Variants in ANKRD45 observed in about 807,000 individuals in gnomAD.
The protein encoded by ANKRD45 is ankyrin repeat domain-containing protein 45.
ANKRD45 carries 21 observed loss-of-function variants against 28.1 expected under a neutral mutation model. The observed-to-expected ratio is 0.75, with a 90% CI of 0.53 to 1.08. The LOEUF (loss-of-function observed/expected upper bound fraction) is 1.08. ANKRD45 is among the 50% of genes least tolerant of loss of function. The pLI is 0.00. For synonymous variants in ANKRD45, 86 were observed against 103.9 expected (o/e 0.83, Z 1.05); for missense variants, 261 against 308.7 (o/e 0.85, Z 1.16).
chr1:173,703,572 A>C, the ANKRD45 span, among the ~76,000 whole-genome samples: 45 of 152,214 alleles, frequency 3.0e-4, no homozygotes, highest in East Asian at 6.7e-3. Flanking sequence ...CCTGTCCCCA[A>C]ATATTTCACC....
upstream of ANKRD45, chr1:173,669,943 A>C (rs1415691594): frequency 1.2e-5 from 2 of 169,382 alleles, no homozygotes; most frequent in African/African-American, 4.8e-5. Flanking sequence ...GCAGGAAGCC[A>C]GAGTGGAAAA....
intron 3 of ANKRD45, among the ~76,000 whole-genome samples, chr1:173,642,645 G>T (rs1668750793): frequency 6.6e-6 from 1 of 152,316 alleles, no homozygotes; most frequent in Admixed American, 6.5e-5. Flanking sequence ...ATATTTGCCT[G>T]GGCATGCCTG....
At chr1:173,612,803 G>C (rs1667230388) in intron 5 of ANKRD45, 2 of 157,324 alleles carry the variant, frequency 1.3e-5, no homozygotes. Flanking sequence ...GTGTTGGCCG[G>C]GCTGGTCTCC....
intron 5 of ANKRD45, among the ~76,000 whole-genome samples, chr1:173,613,195 TC>T (rs1667259106): frequency 1.3e-5 from 2 of 149,188 alleles, no homozygotes; most frequent in Non-Finnish European, 3.0e-5. Flanking sequence ...GAGCACCTCT[TC>T]CCCGCCACCC....
At chr1:173,694,750 T>C in the ANKRD45 span, among the ~76,000 whole-genome samples, 1 of 152,110 alleles carries the variant, frequency 6.6e-6, no homozygotes, top group African/African-American at 2.4e-5. Context: ...ATGTCCATTA[T>C]ACCATTTTGT....
rs1667073547 is a variant in ANKRD45, at chr1:173,610,037, A to G, written c.*108T>C. On this transcript the variant is annotated 3_prime_UTR_variant, in exon 6 of 6. Coordinates refer to ENST00000333279, the MANE Select transcript of ANKRD45 (RefSeq NM_198493.3). The stretch of plus-strand genomic sequence containing the variant: ...CAAAACAAGGGCGATGTAATGTTGT[A>G]CTTAAATACTTAAAGAAACCCACAT... The G allele has an allele frequency of 8.9e-7, 1 of 1,117,340 alleles. No individual in the cohort carries two copies. Among genetic ancestry groups the G allele is most frequent in the Admixed American group, 1.9e-5 (1 of 52,098 alleles). 69.2% of individuals were successfully genotyped at this position (1,117,340 alleles called of 1,614,324 possible).
chr1:173,683,781 TAA>T, the ANKRD45 span, among the ~76,000 whole-genome samples: 8 of 152,202 alleles, frequency 5.3e-5, no homozygotes, highest in African/African-American at 1.7e-4. Context: ...GTGTTATATA[TAA>T]AGTTTCAGTG....
intron 1 of ANKRD45, 130 bp from the exon 2 acceptor site, chr1:173,659,563 G>T: frequency 1.3e-6 from 1 of 796,392 alleles, no homozygotes; most frequent in Non-Finnish European, 1.8e-6. Flanking sequence ...TAACTATAAA[G>T]TAAGATACTT....
At chr1:173,667,233 T>C (rs1033448863) in intron 1 of ANKRD45, among the ~76,000 whole-genome samples, 1 of 152,270 alleles carries the variant, frequency 6.6e-6, no homozygotes, top group African/African-American at 2.4e-5. Flanking sequence ...TTTGAATGAC[T>C]GCTTTTCTTC....
the ANKRD45 span, among the ~76,000 whole-genome samples, chr1:173,702,186 G>A: frequency 6.6e-6 from 1 of 152,176 alleles, no homozygotes; most frequent in African/African-American, 2.4e-5. Context: ...GAAGCCAAGA[G>A]TGGCTCTCTG....
the ANKRD45 span, among the ~76,000 whole-genome samples, chr1:173,706,100 C>G: frequency 1.3e-5 from 2 of 151,692 alleles, no homozygotes; most frequent in East Asian, 3.9e-4. Context: ...GTCAGGAGTT[C>G]GAGACCAGCC....
intron 3 of ANKRD45, among the ~76,000 whole-genome samples, chr1:173,631,417 C>T (rs551465157): frequency 1.2e-4 from 18 of 151,976 alleles, no homozygotes; most frequent in Admixed American, 2.6e-4. Context: ...ACAGATCATC[C>T]GGACAGATCA....
At chr1:173,646,704 A>G in intron 3 of ANKRD45, 142 bp downstream of exon 3, 1 of 773,672 alleles carries the variant, frequency 1.3e-6, no homozygotes, top group Non-Finnish European at 2.1e-6. Flanking sequence ...AAAGAGGGGG[A>G]AATTTCATGT....
chr1:173,699,454 C>T, the ANKRD45 span, among the ~76,000 whole-genome samples: 1 of 152,134 alleles, frequency 6.6e-6, no homozygotes, highest in East Asian at 1.9e-4. Flanking sequence ...TCCAGCAGCA[C>T]ATCAAAAACC....
At chr1:173,700,129 T>A in the ANKRD45 span, among the ~76,000 whole-genome samples, 1 of 152,188 alleles carries the variant, frequency 6.6e-6, no homozygotes, top group Non-Finnish European at 1.5e-5. Context: ...GTGAAGGACC[T>A]CTTCAAGGAG....
chr1:173,656,038 T>G (rs1226773286), intron 2 of ANKRD45, among the ~76,000 whole-genome samples: 1 of 152,194 alleles, frequency 6.6e-6, no homozygotes, highest in Non-Finnish European at 1.5e-5. Context: ...GAAAGGGAAA[T>G]CCCCTGACCC....
At position 173,647,007 on chromosome 1, in the gene ANKRD45, G is replaced by T; in HGVS notation, c.335C>A (p.Thr112Lys). Residue 112 changes from threonine to lysine, a missense_variant, in exon 3 of 6, where the codon ACA becomes AAA. Thr to Lys is a moderately conservative substitution (Grantham distance 78). Transcript: ENST00000333279. ...CCAGGCTGCAGCACAATGTAAGAGT[G>T]TGTACCCTAACAAATGGAATGAAGA... Reference protein sequence around the residue: ...NLNEKTTRGYTLLHCAAAWGR... With the variant: ...NLNEKTTRGYKLLHCAAAWGR... 6.2e-7 allele frequency: 1 copy of T among 1,613,006 alleles called. No individual in the cohort carries two copies. Among genetic ancestry groups the T allele is most frequent in the Non-Finnish European group, 8.5e-7 (1 of 1,179,310 alleles).
upstream of ANKRD45, among the ~76,000 whole-genome samples, chr1:173,670,573 C>T (rs1245493890): frequency 6.6e-6 from 1 of 152,126 alleles, no homozygotes; most frequent in Non-Finnish European, 1.5e-5. Flanking sequence ...TGCTGAAGTT[C>T]GAATAGCCTA....
intron 2 of ANKRD45, among the ~76,000 whole-genome samples, chr1:173,652,232 T>C (rs1277533305): frequency 6.6e-6 from 1 of 152,164 alleles, no homozygotes; most frequent in Non-Finnish European, 1.5e-5. Context: ...GGCTGTGGGT[T>C]TGTCATAAAT....
Sources: allele counts gnomAD v4.1 joint callset (sites outside exome capture counted in the v4.1 genomes callset), GRCh38; gene constraint gnomAD v4.1.1; transcripts MANE v1.5; gene names NCBI Gene and HGNC (gene_info 2026-07-23, HGNC 2026-07-21).